IMMP2L: variants seen among roughly 807,000 people sequenced by gnomAD.
IMMP2L encodes inner mitochondrial membrane peptidase subunit 2.
Under a neutral mutation model 19.3 loss-of-function variants are expected in IMMP2L, and 18 were observed. The ratio of observed to expected loss-of-function variants is 0.93; its 90% CI spans 0.64 to 1.38. The LOEUF (loss-of-function observed/expected upper bound fraction) is 1.38. IMMP2L is among the 40% of genes most tolerant of loss of function. The probability of loss-of-function intolerance (pLI) is 0.00; values close to 1 mark genes in which losing one functional copy is unlikely to be tolerated. For synonymous variants in IMMP2L, 76 were observed against 73.0 expected (o/e 1.04, Z -0.21); for missense variants, 233 against 218.2 (o/e 1.07, Z -0.43).
chr7:110,871,431 G>A (rs1234844988), intron 5 of IMMP2L, among the ~76,000 whole-genome samples: 2 of 152,018 alleles, frequency 1.3e-5, no homozygotes, highest in African/African-American at 2.4e-5. Flanking sequence ...TGTAAAGGAC[G>A]CCTAGAAAAA....
intron 2 of IMMP2L, among the ~76,000 whole-genome samples, chr7:111,509,651 T>C (rs1845263672): frequency 6.6e-6 from 1 of 152,144 alleles, no homozygotes. Context: ...CATGAAACTT[T>C]TGTTCCAGTT....
At chr7:110,782,393 A>G (rs190560649) in intron 5 of IMMP2L, among the ~76,000 whole-genome samples, 1 of 152,058 alleles carries the variant, frequency 6.6e-6, no homozygotes, top group East Asian at 1.9e-4. Context: ...TACTTACTTT[A>G]GTATTGTCAA....
intron 5 of IMMP2L, among the ~76,000 whole-genome samples, chr7:110,825,343 G>C (rs1803378883): frequency 6.6e-6 from 1 of 152,020 alleles, no homozygotes. Flanking sequence ...CTACTTTAAA[G>C]TTCATATGGA....
At chr7:110,929,143 T>TA (rs1274440665) in intron 4 of IMMP2L, among the ~76,000 whole-genome samples, 1 of 152,138 alleles carries the variant, frequency 6.6e-6, no homozygotes. Flanking sequence ...AGATGAGACT[T>TA]AAGTGTACAT....
chr7:110,890,718 T>C (rs1406433148), intron 4 of IMMP2L, among the ~76,000 whole-genome samples: 1 of 152,158 alleles, frequency 6.6e-6, no homozygotes, highest in Non-Finnish European at 1.5e-5. Context: ...CAGTCAAAAA[T>C]GAGCTCTGTA....
chr7:111,119,482 A>C (rs1800316334), intron 3 of IMMP2L, among the ~76,000 whole-genome samples: 1 of 152,246 alleles, frequency 6.6e-6, no homozygotes. Context: ...TGAAGAATAA[A>C]GCACAGATAT....
chr7:111,263,438 T>C (rs1044496003), intron 3 of IMMP2L, among the ~76,000 whole-genome samples: 2 of 152,108 alleles, frequency 1.3e-5, no homozygotes, highest in South Asian at 2.1e-4. Flanking sequence ...CAGCTATTTG[T>C]TGAAATGAGG....
intron 3 of IMMP2L, among the ~76,000 whole-genome samples, chr7:111,320,493 G>C (rs541824741): frequency 6.6e-6 from 1 of 152,060 alleles, no homozygotes; most frequent in African/African-American, 2.4e-5. Context: ...AACACAATCT[G>C]AATAATCTTT....
At chr7:110,713,122 C>T (rs1405517821) in intron 5 of IMMP2L, among the ~76,000 whole-genome samples, 1 of 152,014 alleles carries the variant, frequency 6.6e-6, no homozygotes, top group Non-Finnish European at 1.5e-5. Context: ...CTTTCTTTTG[C>T]ATATGTCTAG....
chr7:110,753,089 A>G (rs929292183), intron 5 of IMMP2L, among the ~76,000 whole-genome samples: 3 of 152,064 alleles, frequency 2.0e-5, no homozygotes, highest in Non-Finnish European at 4.4e-5. Flanking sequence ...TTTATAGGAA[A>G]TGCTTGGTTG....
chr7:110,864,976 A>C (rs867845415), intron 5 of IMMP2L, among the ~76,000 whole-genome samples: 1 of 151,964 alleles, frequency 6.6e-6, no homozygotes, highest in African/African-American at 2.4e-5. Context: ...ATAGATATTT[A>C]TCTAAATATC....
At chr7:111,331,646 T>C (rs1011024974) in intron 3 of IMMP2L, among the ~76,000 whole-genome samples, 2 of 152,038 alleles carry the variant, frequency 1.3e-5, no homozygotes, top group African/African-American at 2.4e-5. Flanking sequence ...ATTGTATTCA[T>C]GGATCATACA....
At chr7:111,118,651 A>G (rs890504663) in intron 3 of IMMP2L, among the ~76,000 whole-genome samples, 1 of 152,142 alleles carries the variant, frequency 6.6e-6, no homozygotes, top group African/African-American at 2.4e-5. Flanking sequence ...TTTGAAAACT[A>G]TAAAGCACTA....
chr7:111,192,399 T>C (rs1442412323), intron 3 of IMMP2L, among the ~76,000 whole-genome samples: 3 of 152,142 alleles, frequency 2.0e-5, no homozygotes, highest in Non-Finnish European at 4.4e-5. Context: ...TTATTTTTAT[T>C]TCCTGCTATT....
At chr7:111,317,510 G>A (rs1385950225) in intron 3 of IMMP2L, among the ~76,000 whole-genome samples, 1 of 152,014 alleles carries the variant, frequency 6.6e-6, no homozygotes, top group East Asian at 1.9e-4. Context: ...TCAGTATTTT[G>A]AAGATATAAT....
chr7:111,558,093 G>T lies in IMMP2L; in HGVS notation c.-3+3758C>A, dbSNP rs150652972. On this transcript the variant is annotated intron_variant, in intron 1 of 5. Coordinates refer to ENST00000405709, the MANE Select transcript of IMMP2L (RefSeq NM_032549.4). ...ATTGGACTAAGTAGACATTAAGAAG[G>T]TAAGAGTTTCCAGCGGAACAGTTGA... Among the ~76,000 whole-genome samples, 930 of 152,246 alleles carry T rather than the reference G, an allele frequency of 6.1e-3. 6 individuals carry two copies. The highest frequency in any genetic ancestry group is 9.0e-3 in the Non-Finnish European group (609 of 68,014).
intron 3 of IMMP2L, among the ~76,000 whole-genome samples, chr7:111,365,701 T>C (rs1242404909): frequency 6.6e-6 from 1 of 152,078 alleles, no homozygotes; most frequent in Non-Finnish European, 1.5e-5. Flanking sequence ...AACCGATTTT[T>C]ATGAAACTTG....
At chr7:111,440,182 C>T (rs978214744) in intron 3 of IMMP2L, among the ~76,000 whole-genome samples, 1 of 151,846 alleles carries the variant, frequency 6.6e-6, no homozygotes, top group Admixed American at 6.6e-5. Flanking sequence ...TGACCTCCTC[C>T]CATGAATCAT....
At chr7:111,480,085 C>CTT (rs745928732) in intron 3 of IMMP2L, among the ~76,000 whole-genome samples, 10 of 141,102 alleles carry the variant, frequency 7.1e-5, no homozygotes, top group Non-Finnish European at 9.3e-5. Context: ...AGGATACCAA[C>CTT]TTTTTTTTTT....
Sources: allele counts gnomAD v4.1 joint callset (sites outside exome capture counted in the v4.1 genomes callset), GRCh38; gene constraint gnomAD v4.1.1; transcripts MANE v1.5; gene names NCBI Gene and HGNC (gene_info 2026-07-23, HGNC 2026-07-21).